Variants in ADARB1 observed in about 807,000 individuals in gnomAD.
The protein encoded by ADARB1 is adenosine deaminase RNA specific B1, also known as double-stranded RNA-specific editase 1.
In ADARB1, 10 loss-of-function variants were observed where a neutral mutation model predicts 52.4. The ratio of observed to expected loss-of-function variants is 0.19; its 90% CI spans 0.12 to 0.32. The LOEUF is 0.32. ADARB1 is among the 10% of genes least tolerant of loss of function. The pLI, the probability that ADARB1 is intolerant of heterozygous loss-of-function variation, is 1.00. For missense variants in ADARB1, 643 were observed against 922.3 expected, an observed-to-expected ratio of 0.70 and a Z score of 3.92; for synonymous variants, 349 against 371.1, an observed-to-expected ratio of 0.94 and a Z score of 0.68.
rs372075427 is a variant in ADARB1 at position 45,147,952 on chromosome 21, A to G, written c.-48+19379A>G. On this transcript the variant is annotated intron_variant, in intron 2 of 10. Transcript: ENST00000348831. ...AGCAAGAGGCTGCCGCGCCTGTGCC[A>G]ACTGCCTGGTGAGGCTCCGTCGAGT... Among the ~76,000 whole-genome samples, 19 of 151,188 alleles carry G rather than the reference A, an allele frequency of 1.3e-4. No individual in the cohort carries two copies. The East Asian group carries it at 3.3e-3, about 27-fold the overall frequency.
chr21:45,084,863 G>A (rs1381359090), intron 1 of ADARB1, among the ~76,000 whole-genome samples: 1 of 152,202 alleles, frequency 6.6e-6, no homozygotes, highest in Admixed American at 6.5e-5. Flanking sequence ...CCAGTGTTAA[G>A]TCACTTAGAG....
intron 9 of ADARB1, among the ~76,000 whole-genome samples, chr21:45,219,901 G>T (rs745986099): frequency 6.6e-6 from 1 of 151,642 alleles, no homozygotes; most frequent in Non-Finnish European, 1.5e-5. Context: ...CAAGCAAAAC[G>T]CCTTGAGCAT....
At chr21:45,100,089 G>A (rs766573501) in intron 1 of ADARB1, among the ~76,000 whole-genome samples, 90 of 152,062 alleles carry the variant, frequency 5.9e-4, no homozygotes, top group African/African-American at 1.8e-3. Context: ...TTCTCCCCCC[G>A]TGTTAAAGAT....
chr21:45,086,797 G>A (rs1374762594), intron 1 of ADARB1, among the ~76,000 whole-genome samples: 1 of 152,216 alleles, frequency 6.6e-6, no homozygotes, highest in Non-Finnish European at 1.5e-5. Flanking sequence ...GCGTGTGGAT[G>A]TGTATTTTCA....
intron 1 of ADARB1, among the ~76,000 whole-genome samples, chr21:45,105,865 C>G (rs2087229334): frequency 6.6e-6 from 1 of 152,190 alleles, no homozygotes; most frequent in Admixed American, 6.5e-5. Flanking sequence ...TGCTTATGAA[C>G]TTGTTGAGTG....
chr21:45,139,305 C>T (rs1391278517), intron 2 of ADARB1, among the ~76,000 whole-genome samples: 1 of 152,126 alleles, frequency 6.6e-6, no homozygotes, highest in African/African-American at 2.4e-5. Context: ...TCATAAATGG[C>T]ACTTATATTA....
In ADARB1 at chr21:45,167,556, G is replaced by A. The variant is rs945167175; in HGVS notation, c.-47-4054G>A. Among the ~76,000 whole-genome samples the A allele has an allele frequency of 8.5e-5, 13 of 152,192 alleles. 1 individual carries two copies. The highest frequency in any genetic ancestry group is 3.4e-3 in the Middle Eastern group (1 of 294). On this transcript the variant is annotated intron_variant, in intron 2 of 10. Coordinates refer to ENST00000348831, the MANE Select transcript of ADARB1 (RefSeq NM_001112.4). ...ACCTGAGGTCAGGAGTTCAAGACCA[G>A]CCTGGCCAACATGGTGAAACCCCAT... is the stretch of plus-strand genomic sequence containing the variant.
At chr21:45,092,974 G>A (rs1211700337) in intron 1 of ADARB1, among the ~76,000 whole-genome samples, 5 of 151,760 alleles carry the variant, frequency 3.3e-5, no homozygotes, top group African/African-American at 1.2e-4. Context: ...TAAAGTCGAG[G>A]CTATCTCAGT....
At position 45,224,165 on chromosome 21, in the gene ADARB1, T is replaced by C. The variant is rs2093015621; in HGVS notation, c.*1968T>C. 4.1e-6 allele frequency: 4 copies of C among 985,336 alleles called. No individual in the cohort carries two copies. In the African/African-American group the frequency reaches 5.2e-5, roughly 13 times the overall value. The allele number at this position is 985,336 out of a possible 1,614,324, so 61.0% of individuals were successfully genotyped here. A position where few individuals can be genotyped will look rare whatever the true frequency, so the allele number is the denominator to read the frequency against. ...AAATTGTATTTTTTTCTAATGGGGATTGGGAGATGGACTTCGTTTTTAAAA... is the reference window on the plus strand; with the variant it reads ...AAATTGTATTTTTTTCTAATGGGGACTGGGAGATGGACTTCGTTTTTAAAA... On this transcript the variant is annotated 3_prime_UTR_variant, in exon 11 of 11. Transcript: ENST00000348831.
At chr21:45,100,478 A>G (rs1415344357) in intron 1 of ADARB1, 4 of 152,268 alleles carry the variant, frequency 2.6e-5, no homozygotes, top group South Asian at 2.1e-4. Context: ...GGCCTCGCAC[A>G]CTACCTGGTC....
chr21:45,151,885 A>C (rs1338815501), intron 2 of ADARB1, among the ~76,000 whole-genome samples: 1 of 152,210 alleles, frequency 6.6e-6, no homozygotes, highest in Non-Finnish European at 1.5e-5. Context: ...GGAAAATGGG[A>C]AGATGTTGGC....
At chr21:45,131,804 G>A (rs755788592) in intron 2 of ADARB1, among the ~76,000 whole-genome samples, 27 of 152,362 alleles carry the variant, frequency 1.8e-4, no homozygotes, top group African/African-American at 4.8e-4. Context: ...GGAAAGAGCC[G>A]TCATTCAAGG....
intron 1 of ADARB1, among the ~76,000 whole-genome samples, chr21:45,083,513 G>A (rs2123639976): frequency 6.6e-6 from 1 of 152,322 alleles, no homozygotes; most frequent in South Asian, 2.1e-4. Context: ...TGTCCTGCCA[G>A]CATCATTTTA....
chr21:45,164,742 C>T (rs2091170792), intron 2 of ADARB1, among the ~76,000 whole-genome samples: 1 of 152,064 alleles, frequency 6.6e-6, no homozygotes, highest in South Asian at 2.1e-4. Flanking sequence ...AGGACATAAC[C>T]CTGGCTGCTG....
At chr21:45,198,497 TCA>T (rs755171317) in intron 8 of ADARB1, among the ~76,000 whole-genome samples, 44 of 95,000 alleles carry the variant, frequency 4.6e-4, no homozygotes, top group African/African-American at 1.5e-3. Flanking sequence ...TTAAATTAAA[TCA>T]CACACACACA....
intron 2 of ADARB1, 44 bp from the exon 3 acceptor site, chr21:45,171,566 C>T (rs769857545): frequency 1.7e-6 from 2 of 1,203,930 alleles, no homozygotes; most frequent in East Asian, 2.3e-5. Flanking sequence ...TCATATTACT[C>T]CTGTCATAGG....
chr21:45,146,663 G>A lies in ADARB1; in HGVS notation c.-48+18090G>A, dbSNP rs112429061. The stretch of plus-strand genomic sequence containing the variant: ...AACCCTGACCCAGAGGGAGAAGGCA[G>A]AGAGTTGGACTTTTGAAAACGTGAG... On this transcript the variant is annotated intron_variant, in intron 2 of 10. Transcript: ENST00000348831. Among the ~76,000 whole-genome samples, 653 of 152,368 alleles carry A rather than the reference G, an allele frequency of 4.3e-3. 7 individuals carry two copies. Among genetic ancestry groups the A allele is most frequent in the African/African-American group, 0.015 (621 of 41,592 alleles).
At position 45,223,997 on chromosome 21, in the gene ADARB1, TG is replaced by T. The variant is rs2093012250; in HGVS notation, c.*1804del. ...CGTCTCTGCCGCTCCGTCACCACAG[TG>T]GGGTTTTGTTCAGGCAGATCGCGCT... On this transcript the variant is annotated 3_prime_UTR_variant, in exon 11 of 11. Transcript: ENST00000348831. 2.0e-6 allele frequency: 2 copies of T among 985,272 alleles called. No individual in the cohort carries two copies. Among genetic ancestry groups the T allele is most frequent in the African/African-American group, 3.5e-5 (2 of 57,190 alleles). The allele number at this position is 985,272 out of a possible 1,614,324, so 61.0% of individuals were successfully genotyped here.
At chr21:45,188,326 T>G (rs2092174759) in intron 8 of ADARB1, among the ~76,000 whole-genome samples, 1 of 152,164 alleles carries the variant, frequency 6.6e-6, no homozygotes, top group South Asian at 2.1e-4. Flanking sequence ...AGGCTGATCT[T>G]GAATTCCTGA....
Sources: allele counts gnomAD v4.1 joint callset (sites outside exome capture counted in the v4.1 genomes callset), GRCh38; gene constraint gnomAD v4.1.1; transcripts MANE v1.5; gene names NCBI Gene and HGNC (gene_info 2026-07-23, HGNC 2026-07-21).